The following LDLRAD4 variants were observed in gnomAD, a reference collection of about 807,000 sequenced individuals.
LDLRAD4 encodes low density lipoprotein receptor class A domain containing 4.
In LDLRAD4, 5 loss-of-function variants were observed where a neutral mutation model predicts 17.0. The ratio of observed to expected loss-of-function variants is 0.29; its 90% confidence interval spans 0.15 to 0.62. The LOEUF is 0.62. Ranked by LOEUF, LDLRAD4 falls within the 20% of genes least tolerant of loss-of-function variation. The pLI is 0.84. For missense variants in LDLRAD4, 340 were observed against 424.7 expected (o/e 0.80, Z 1.75); for synonymous variants, 168 against 171.8 (o/e 0.98, Z 0.17).
At chr18:13,232,729 G>A (rs1050261818) in intron 1 of LDLRAD4, among the ~76,000 whole-genome samples, 5 of 152,188 alleles carry the variant, frequency 3.3e-5, no homozygotes, top group Non-Finnish European at 7.3e-5. Context: ...CGTGTGCGCC[G>A]TTCACACTGG....
At chr18:13,252,031 G>A (rs1247921635) in intron 1 of LDLRAD4, among the ~76,000 whole-genome samples, 2 of 152,202 alleles carry the variant, frequency 1.3e-5, no homozygotes, top group African/African-American at 2.4e-5. Flanking sequence ...ATGATTGTTT[G>A]GAGGGGACTT....
chr18:13,523,625 G>A (rs1173535090), intron 3 of LDLRAD4, among the ~76,000 whole-genome samples: 2 of 152,158 alleles, frequency 1.3e-5, no homozygotes, highest in Non-Finnish European at 1.5e-5. Context: ...GCTCTTCAGA[G>A]CCACTGGCCA....
chr18:13,532,210 C>G (rs1259181885), intron 3 of LDLRAD4, among the ~76,000 whole-genome samples: 1 of 152,174 alleles, frequency 6.6e-6, no homozygotes, highest in Non-Finnish European at 1.5e-5. Flanking sequence ...TGGACGGCTC[C>G]TGCAATTGCC....
intron 1 of LDLRAD4, among the ~76,000 whole-genome samples, chr18:13,348,850 T>C (rs1568035343): frequency 6.6e-6 from 1 of 152,062 alleles, no homozygotes; most frequent in Non-Finnish European, 1.5e-5. Flanking sequence ...CGAGGCTCCA[T>C]GGGTGTAGGA....
chr18:13,223,378 G>A (rs1368338278), intron 1 of LDLRAD4, among the ~76,000 whole-genome samples: 1 of 152,226 alleles, frequency 6.6e-6, no homozygotes, highest in Non-Finnish European at 1.5e-5. Flanking sequence ...CTCTGCAGAT[G>A]TGCTTCGACT....
chr18:13,500,285 GCGT>G (rs1220400410), intron 3 of LDLRAD4, among the ~76,000 whole-genome samples: 2 of 152,214 alleles, frequency 1.3e-5, no homozygotes, highest in African/African-American at 4.8e-5. Flanking sequence ...CAGGCACATT[GCGT>G]CGTCTCTCAA....
chr18:13,561,860 C>T (rs2094544820), intron 3 of LDLRAD4: 3 of 152,170 alleles, frequency 2.0e-5, no homozygotes, highest in African/African-American at 7.2e-5. Context: ...TCAAACCCTC[C>T]AGTAATGATT....
chr18:13,531,639 T>C (rs945483747), intron 3 of LDLRAD4, among the ~76,000 whole-genome samples: 2 of 147,498 alleles, frequency 1.4e-5, no homozygotes, highest in Non-Finnish European at 3.0e-5. Flanking sequence ...AACAATGTCA[T>C]GGGGAGAGGT....
At chr18:13,412,385 C>G (rs1568116506) in intron 2 of LDLRAD4, among the ~76,000 whole-genome samples, 7 of 152,194 alleles carry the variant, frequency 4.6e-5, no homozygotes, top group Admixed American at 1.3e-4. Flanking sequence ...AATTTCTGCT[C>G]ATTTTCAGCA....
intron 3 of LDLRAD4, among the ~76,000 whole-genome samples, chr18:13,485,449 G>C (rs2093199754): frequency 6.6e-6 from 1 of 152,184 alleles, no homozygotes; most frequent in South Asian, 2.1e-4. Flanking sequence ...GACCCTGTCT[G>C]CTCTCCATGT....
chr18:13,304,342 G>T (rs938276371), intron 1 of LDLRAD4, among the ~76,000 whole-genome samples: 1 of 152,232 alleles, frequency 6.6e-6, no homozygotes, highest in Admixed American at 6.5e-5. Flanking sequence ...TTTCAAAGAA[G>T]ATTTCCTGAG....
chr18:13,296,706 G>A (rs1017444202), intron 1 of LDLRAD4, among the ~76,000 whole-genome samples: 2 of 151,914 alleles, frequency 1.3e-5, no homozygotes, highest in African/African-American at 2.4e-5. Flanking sequence ...TTAATTTAAA[G>A]CATTTTAAAA....
At chr18:13,555,848 G>T (rs1443163037) in intron 3 of LDLRAD4, among the ~76,000 whole-genome samples, 1 of 151,178 alleles carries the variant, frequency 6.6e-6, no homozygotes, top group Non-Finnish European at 1.5e-5. Context: ...GAGCTTGTTT[G>T]GGAGTTGTAT....
At chr18:13,463,626 A>G (rs922652362) in intron 3 of LDLRAD4, among the ~76,000 whole-genome samples, 2 of 152,188 alleles carry the variant, frequency 1.3e-5, no homozygotes, top group African/African-American at 4.8e-5. Flanking sequence ...CGATTCTGAT[A>G]CTTATTTCTA....
chr18:13,647,267 A>T (rs533056765), exon 6 of LDLRAD4: 2 of 152,154 alleles, frequency 1.3e-5, no homozygotes, highest in Non-Finnish European at 2.9e-5. Flanking sequence ...TCTTATATAC[A>T]ATGAAAAAAA....
intron 3 of LDLRAD4, among the ~76,000 whole-genome samples, chr18:13,556,734 G>T (rs1440028635): frequency 6.6e-6 from 1 of 152,136 alleles, no homozygotes; most frequent in Non-Finnish European, 1.5e-5. Flanking sequence ...ATGATGGGGA[G>T]TGGTTGTCAC....
At chr18:13,245,631 T>C (rs1172128358) in intron 1 of LDLRAD4, among the ~76,000 whole-genome samples, 1 of 152,154 alleles carries the variant, frequency 6.6e-6, no homozygotes, top group Admixed American at 6.5e-5. Context: ...CCCTAAGACA[T>C]GTGGAAAGCA....
intron 2 of LDLRAD4, among the ~76,000 whole-genome samples, chr18:13,397,000 A>G (rs1044504040): frequency 1.3e-5 from 2 of 152,230 alleles, no homozygotes; most frequent in Non-Finnish European, 2.9e-5. Context: ...CAAGTAGACA[A>G]CAGGCCTCCA....
intron 1 of LDLRAD4, among the ~76,000 whole-genome samples, chr18:13,316,930 A>C (rs2080965360): frequency 6.6e-6 from 1 of 152,240 alleles, no homozygotes; most frequent in African/African-American, 2.4e-5. Flanking sequence ...TCACTCAAAC[A>C]CTTCATAATT....
Sources: gnomAD v4.1 joint callset for allele counts (sites outside exome capture counted in the v4.1 genomes callset) on GRCh38, gnomAD v4.1.1 for gene constraint, MANE v1.5 for transcripts, NCBI Gene and HGNC (gene_info 2026-07-23, HGNC 2026-07-21) for gene names.